The following ZNF277 variants were observed in gnomAD, a reference collection of about 807,000 sequenced individuals.
ZNF277 encodes the protein zinc finger protein 277.
ZNF277 carries 55 observed loss-of-function variants against 60.7 expected under a neutral mutation model. That is an observed-to-expected ratio of 0.91 (90% CI 0.73 to 1.13). ZNF277 has a LOEUF of 1.13. Among genes scored for constraint, ZNF277 ranks in the 50% most tolerant of loss-of-function variants. ZNF277 has a pLI of 0.00. For synonymous variants in ZNF277, 178 were observed against 179.3 expected, an observed-to-expected ratio of 0.99 and a Z score of 0.06; for missense variants, 510 against 523.0, an observed-to-expected ratio of 0.98 and a Z score of 0.24.
chr7:112,250,902 C>G (rs767319107), intron 1 of ZNF277, among the ~76,000 whole-genome samples: 1 of 152,140 alleles, frequency 6.6e-6, no homozygotes, highest in Non-Finnish European at 1.5e-5. Context: ...CTACCAGTCT[C>G]CCTTCTTCAA....
intron 1 of ZNF277, among the ~76,000 whole-genome samples, chr7:112,246,744 G>T (rs1299635029): frequency 1.3e-5 from 2 of 152,210 alleles, no homozygotes; most frequent in Admixed American, 6.5e-5. Context: ...TTTCTGTCTT[G>T]TTCTCCTTGG....
chr7:112,257,018 A>G (rs1791328954), intron 1 of ZNF277, among the ~76,000 whole-genome samples: 1 of 152,218 alleles, frequency 6.6e-6, no homozygotes, highest in Non-Finnish European at 1.5e-5. Context: ...CTCAGAAAAT[A>G]TAAAGTTTTG....
intron 4 of ZNF277, among the ~76,000 whole-genome samples, chr7:112,312,506 G>T (rs952645130): frequency 6.6e-6 from 1 of 152,070 alleles, no homozygotes; most frequent in Non-Finnish European, 1.5e-5. Context: ...CTTAGGAGAG[G>T]CATGCTGAAG....
At chr7:112,320,628 A>G (rs1325648942) in intron 5 of ZNF277, among the ~76,000 whole-genome samples, 1 of 151,932 alleles carries the variant, frequency 6.6e-6, no homozygotes, top group African/African-American at 2.4e-5. Flanking sequence ...CCTCTCCTCC[A>G]CACCCTTCAT....
chr7:112,337,667 CTG>C, intron 8 of ZNF277, 61 bp from the exon 9 acceptor site: 1 of 1,394,024 alleles, frequency 7.2e-7, no homozygotes, highest in Non-Finnish European at 9.9e-7. Context: ...TACCAAGTCA[CTG>C]TGTAGTATAC....
chr7:112,244,413 C>T (rs190903019), intron 1 of ZNF277, among the ~76,000 whole-genome samples: 1 of 151,990 alleles, frequency 6.6e-6, no homozygotes, highest in Admixed American at 6.6e-5. Flanking sequence ...AGCAGTTCTC[C>T]CTTCTAGGTT....
chr7:112,336,707 AATT>A (rs1200331713), intron 8 of ZNF277, among the ~76,000 whole-genome samples: 28 of 152,142 alleles, frequency 1.8e-4, no homozygotes, highest in African/African-American at 5.8e-4. Context: ...CAGGATTTTA[AATT>A]ATTATTATTT....
intron 1 of ZNF277, among the ~76,000 whole-genome samples, chr7:112,279,062 G>C (rs1201123490): frequency 6.6e-6 from 1 of 152,110 alleles, no homozygotes; most frequent in Non-Finnish European, 1.5e-5. Flanking sequence ...AAAAAAGGCT[G>C]AATACTATTC....
At chr7:112,296,090 A>T (rs1792319934) in intron 3 of ZNF277, 133 bp downstream of exon 3, 1 of 1,004,306 alleles carries the variant, frequency 1.0e-6, no homozygotes, top group Non-Finnish European at 1.5e-6. Context: ...ATTTTGCCTA[A>T]CTTGAATAAA....
chr7:112,312,170 C>T (rs10276140), intron 4 of ZNF277, among the ~76,000 whole-genome samples: 7,799 of 152,092 alleles, frequency 0.051, 297 homozygotes, highest in Admixed American at 0.12. Flanking sequence ...ACATTAACAA[C>T]GTTTTCCTAT....
At chr7:112,231,414 G>T (rs1367725032) in intron 1 of ZNF277, among the ~76,000 whole-genome samples, 1 of 152,070 alleles carries the variant, frequency 6.6e-6, no homozygotes, top group Non-Finnish European at 1.5e-5. Flanking sequence ...TTTGTTCTGT[G>T]CAACTGATAA....
Position 112,260,084 on chromosome 7 carries a change from T to C in ZNF277, c.92-26789T>C, listed in dbSNP as rs1791408943. On this transcript the variant is annotated intron_variant, in intron 1 of 11. Coordinates refer to ENST00000361822, the MANE Select transcript of ZNF277 (RefSeq NM_021994.3). The stretch of plus-strand genomic sequence containing the variant: ...GAGTTGGAGACCAGCCTGGGCAACA[T>C]GGCAAAACCCCGTCTCTACTAAAAA... Among the ~76,000 whole-genome samples, 3 of 152,126 alleles carry C rather than the reference T, an allele frequency of 2.0e-5. No homozygotes were observed. In the South Asian group the frequency reaches 6.2e-4, roughly 32 times the overall value.
intron 4 of ZNF277, among the ~76,000 whole-genome samples, chr7:112,310,454 T>TGAGAGAGAGAGAATGAGAGAGAGA (rs1554493384): frequency 8.5e-6 from 1 of 117,238 alleles, no homozygotes; most frequent in Non-Finnish European, 1.8e-5. Flanking sequence ...AGGTTAGGTT[T>TGAGAGAGAGAGAATGAGAGAGAGA]GAGAGAGAGA....
intron 1 of ZNF277, among the ~76,000 whole-genome samples, chr7:112,278,680 A>T (rs972885698): frequency 6.6e-6 from 1 of 152,182 alleles, no homozygotes; most frequent in East Asian, 1.9e-4. Flanking sequence ...GTTAATGGGA[A>T]GTAATGGGAC....
At chr7:112,332,791 T>C (rs372961878) in intron 7 of ZNF277, among the ~76,000 whole-genome samples, 204 of 152,286 alleles carry the variant, frequency 1.3e-3, no homozygotes, top group African/African-American at 4.6e-3. Context: ...ATGGAAATGA[T>C]GTAAACACCT....
At chr7:112,277,778 A>G (rs539712488) in intron 1 of ZNF277, among the ~76,000 whole-genome samples, 1 of 152,298 alleles carries the variant, frequency 6.6e-6, no homozygotes, top group African/African-American at 2.4e-5. Context: ...TCTTATCATT[A>G]TATTTATTTA....
chr7:112,294,272 G>A (rs944021694), intron 2 of ZNF277, among the ~76,000 whole-genome samples: 4 of 152,212 alleles, frequency 2.6e-5, no homozygotes, highest in African/African-American at 7.2e-5. Context: ...AGACTGAGGA[G>A]TACAACGTGT....
At chr7:112,299,914 T>G (rs1333262241) in intron 4 of ZNF277, among the ~76,000 whole-genome samples, 1 of 152,246 alleles carries the variant, frequency 6.6e-6, no homozygotes, top group African/African-American at 2.4e-5. Context: ...TTCTTTCATG[T>G]GGAACTCTAG....
At chr7:112,242,808 T>TA (rs1329207606) in intron 1 of ZNF277, among the ~76,000 whole-genome samples, 1 of 151,802 alleles carries the variant, frequency 6.6e-6, no homozygotes, top group African/African-American at 2.4e-5. Flanking sequence ...CACAAAATTA[T>TA]AAAAAAAGAT....
Sources: gnomAD v4.1 joint callset for allele counts (sites outside exome capture counted in the v4.1 genomes callset) on GRCh38, gnomAD v4.1.1 for gene constraint, MANE v1.5 for transcripts, NCBI Gene and HGNC (gene_info 2026-07-23, HGNC 2026-07-21) for gene names.